Variants in CDH13 observed in about 807,000 individuals in gnomAD.
CDH13 encodes the protein cadherin-13.
CDH13 carries 24 observed loss-of-function variants against 63.8 expected under a neutral mutation model. That is an observed-to-expected ratio of 0.38 (90% CI 0.27 to 0.53). The LOEUF is 0.53. Ranked by LOEUF, CDH13 falls within the 20% of genes least tolerant of loss-of-function variation. The probability of loss-of-function intolerance (pLI) is 0.85; values close to 1 mark genes in which losing one functional copy is unlikely to be tolerated. For synonymous variants in CDH13, 503 were observed against 355.3 expected (o/e 1.42, Z -4.67); for missense variants, 1,049 against 903.1 (o/e 1.16, Z -2.07).
chr16:83,105,466 G>C (rs955645141), intron 3 of CDH13, among the ~76,000 whole-genome samples: 1 of 152,196 alleles, frequency 6.6e-6, no homozygotes, highest in East Asian at 1.9e-4. Flanking sequence ...TCGGCTGCCA[G>C]GGAGAGGAGA....
At chr16:82,913,520 A>C (rs759651254) in intron 2 of CDH13, among the ~76,000 whole-genome samples, 1 of 152,190 alleles carries the variant, frequency 6.6e-6, no homozygotes, top group Non-Finnish European at 1.5e-5. Flanking sequence ...GAATAAGGCC[A>C]TCAAGTTGAT....
chr16:82,922,910 G>A lies in CDH13; in HGVS notation c.157+64437G>A, dbSNP rs139051205. Among the ~76,000 whole-genome samples, 9 of 152,136 alleles carry A rather than the reference G, an allele frequency of 5.9e-5. No homozygotes were observed. In the East Asian group the frequency reaches 7.7e-4, roughly 13 times the overall value. ...TATTGAGGATTTGATTCCAGACAACGGCAATCAAGGAAATATTGCAATAAA... is the reference window on the plus strand; with the variant it reads ...TATTGAGGATTTGATTCCAGACAACAGCAATCAAGGAAATATTGCAATAAA... On this transcript the variant is annotated intron_variant, in intron 2 of 13. Coordinates refer to ENST00000567109, the MANE Select transcript of CDH13 (RefSeq NM_001257.5).
At chr16:83,040,548 A>G (rs1365020041) in intron 3 of CDH13, among the ~76,000 whole-genome samples, 1 of 152,120 alleles carries the variant, frequency 6.6e-6, no homozygotes, top group African/African-American at 2.4e-5. Flanking sequence ...CCAACATGGG[A>G]GAAAGATGGA....
At position 82,970,382 on chromosome 16, in the gene CDH13, C is replaced by CTTTT. The variant is rs558393653; in HGVS notation, c.158-61603_158-61600dup. The stretch of plus-strand genomic sequence containing the variant: ...TTTGCTATTGTGAACAGTGCATATT[C>CTTTT]TTTTTTTTTTTTTTTTTTTTTTTTT... On this transcript the variant is annotated intron_variant, in intron 2 of 13. Coordinates refer to ENST00000567109, the MANE Select transcript of CDH13 (RefSeq NM_001257.5). Among the ~76,000 whole-genome samples the CTTTT allele has an allele frequency of 1.4e-4, 11 of 76,758 alleles. 1 individual carries two copies. The highest frequency in any genetic ancestry group is 2.1e-4 in the African/African-American group (4 of 18,956). 50.4% of individuals were successfully genotyped at this position (76,758 alleles called of 152,430 possible). A position where few individuals can be genotyped will look rare whatever the true frequency, so the allele number is the denominator to read the frequency against.
At chr16:83,160,324 T>G (rs1410424586) in intron 4 of CDH13, among the ~76,000 whole-genome samples, 1 of 152,020 alleles carries the variant, frequency 6.6e-6, no homozygotes, top group Non-Finnish European at 1.5e-5. Flanking sequence ...ACTTTCAATT[T>G]TATTATAAAC....
rs781668362 is a variant in CDH13, at chr16:83,486,517, C to G, written c.822C>G (p.Asp274Glu). The G allele has an allele frequency of 2.5e-6, 4 of 1,613,816 alleles. No homozygotes were observed. The highest frequency in any genetic ancestry group is 3.3e-5 in the Admixed American group (2 of 60,014). The stretch of plus-strand genomic sequence containing the variant: ...GGATGACAGCCTTTGATGCAGATGA[C>G]CCAGCCACCGATAATGCCCTCCTGC... ...VMRMTAFDADDPATDNALLRY... is the reference protein window; with the variant it reads ...VMRMTAFDADEPATDNALLRY... The change falls in exon 7 of 14, where the codon GAC (aspartate) becomes GAG (glutamate). Residue 274 changes from aspartate to glutamate, a missense_variant. Transcript: ENST00000567109.
At chr16:83,610,359 T>C (rs893976962) in intron 8 of CDH13, among the ~76,000 whole-genome samples, 6 of 152,206 alleles carry the variant, frequency 3.9e-5, no homozygotes, top group South Asian at 2.1e-4. Context: ...TCAAGACTTA[T>C]CAACTTCTTT....
intron 8 of CDH13, among the ~76,000 whole-genome samples, chr16:83,655,845 G>A (rs1182086169): frequency 6.6e-6 from 1 of 152,184 alleles, no homozygotes; most frequent in East Asian, 1.9e-4. Flanking sequence ...GCAGAGGACA[G>A]GTTGTAGAGA....
chr16:83,764,439 A>G (rs1914222754), intron 11 of CDH13, among the ~76,000 whole-genome samples: 1 of 152,226 alleles, frequency 6.6e-6, no homozygotes, highest in African/African-American at 2.4e-5. Context: ...TTTTATGCAA[A>G]AGAAACTGAT....
At chr16:83,247,377 G>A (rs2113289) in intron 5 of CDH13, among the ~76,000 whole-genome samples, 150,812 of 152,274 alleles carry the variant, frequency 0.99, 74,705 homozygotes, top group Middle Eastern at 1. Context: ...AGAGAAGCAA[G>A]CTTAATGACT....
rs547309671 is a variant in CDH13 at position 83,437,983 on chromosome 16, T to C, written c.782-48494T>C. On this transcript the variant is annotated intron_variant, in intron 6 of 13. Transcript: ENST00000567109. ...CCATCCATCCTCCTGGCCACTCCCA[T>C]GTGCATGCTCCTATCCTCTCTGCTT... Among the ~76,000 whole-genome samples, 18 of 152,274 alleles carry C rather than the reference T, an allele frequency of 1.2e-4. No individual in the cohort carries two copies. The South Asian group carries it at 3.3e-3, about 28-fold the overall frequency.
chr16:83,526,395 G>A (rs1009918760), intron 7 of CDH13, among the ~76,000 whole-genome samples: 1 of 152,168 alleles, frequency 6.6e-6, no homozygotes, highest in Non-Finnish European at 1.5e-5. Flanking sequence ...GAGGAGGATG[G>A]TTTCCGGATG....
chr16:82,965,866 C>T (rs772344303), intron 2 of CDH13, among the ~76,000 whole-genome samples: 3 of 152,348 alleles, frequency 2.0e-5, no homozygotes, highest in South Asian at 4.1e-4. Context: ...TCCTTACATA[C>T]ATCACACCCA....
chr16:83,613,195 C>T (rs954944875), intron 8 of CDH13, among the ~76,000 whole-genome samples: 1 of 152,172 alleles, frequency 6.6e-6, no homozygotes, highest in South Asian at 2.1e-4. Flanking sequence ...AGAAACGTGT[C>T]TCTTTTCTCT....
chr16:83,271,529 CAAAAA>C (rs369596889), intron 5 of CDH13, among the ~76,000 whole-genome samples: 1,649 of 108,692 alleles, frequency 0.015, 26 homozygotes, highest in African/African-American at 0.05. Context: ...ACAACAACAA[CAAAAA>C]AAAACGCTGT....
chr16:83,000,585 T>TG, intron 2 of CDH13, among the ~76,000 whole-genome samples: 1 of 149,652 alleles, frequency 6.7e-6, no homozygotes, highest in East Asian at 2.0e-4. Flanking sequence ...TTTTTTTTTT[T>TG]TTTTTGTTTT....
chr16:82,787,623 T>A (rs1172804650), intron 1 of CDH13, among the ~76,000 whole-genome samples: 2 of 152,218 alleles, frequency 1.3e-5, no homozygotes, highest in Admixed American at 1.3e-4. Context: ...AGTAGAATTA[T>A]TATTGTCCTA....
At position 83,589,558 on chromosome 16, in the gene CDH13, C is replaced by G. The variant is rs9921674; in HGVS notation, c.961-12896C>G. On this transcript the variant is annotated intron_variant, in intron 7 of 13. Transcript: ENST00000567109. ...ACCTAAGGTAAAATATTCACAGATT[C>G]CAGGAATTAGAACATGGCCATCTTT... Among the ~76,000 whole-genome samples, 403 of 151,834 alleles carry G rather than the reference C, an allele frequency of 2.7e-3. 1 individual carries two copies. Among genetic ancestry groups the G allele is most frequent in the African/African-American group, 9.2e-3 (381 of 41,386 alleles).
chr16:83,715,595 T>C (rs1908771241), intron 10 of CDH13, among the ~76,000 whole-genome samples: 1 of 152,170 alleles, frequency 6.6e-6, no homozygotes, highest in African/African-American at 2.4e-5. Context: ...GTGCAAGCAA[T>C]AGAAATTAAC....
Sources: allele counts gnomAD v4.1 joint callset (sites outside exome capture counted in the v4.1 genomes callset), GRCh38; gene constraint gnomAD v4.1.1; transcripts MANE v1.5; gene names NCBI Gene and HGNC (gene_info 2026-07-23, HGNC 2026-07-21).